The following XIRP2 variants were observed in gnomAD, a reference collection of about 807,000 sequenced individuals.
XIRP2 encodes xin actin-binding repeat-containing protein 2.
A neutral mutation model predicts 277.0 loss-of-function variants in XIRP2; 236 were observed. The observed-to-expected ratio is 0.85, with a 90% CI of 0.77 to 0.95. XIRP2 has a LOEUF of 0.95. Ranked by LOEUF, XIRP2 falls within the 40% of genes least tolerant of loss-of-function variation. The pLI is 0.00. For synonymous variants in XIRP2, 1,490 were observed against 1,416.5 expected, an observed-to-expected ratio of 1.05 and a Z score of -1.17; for missense variants, 4,640 against 4,157.5, an observed-to-expected ratio of 1.12 and a Z score of -3.19.
chr2:167,234,447 G>T (rs1694845261), intron 5 of XIRP2, among the ~76,000 whole-genome samples: 1 of 150,950 alleles, frequency 6.6e-6, no homozygotes, highest in South Asian at 2.1e-4. Context: ...TCACAGGAAT[G>T]TATTAAACAA....
intron 2 of XIRP2, among the ~76,000 whole-genome samples, chr2:167,093,730 G>C (rs568390119): frequency 5.3e-5 from 8 of 152,118 alleles, no homozygotes; most frequent in Non-Finnish European, 1.0e-4. Context: ...TGGGCATTTG[G>C]GTTGGTTCCA....
chr2:166,987,144 A>C (rs1213381184), intron 2 of XIRP2, among the ~76,000 whole-genome samples: 1 of 152,284 alleles, frequency 6.6e-6, no homozygotes, highest in Admixed American at 6.5e-5. Flanking sequence ...CTGAGGATTC[A>C]GAAGTTTTAG....
intron 3 of XIRP2, among the ~76,000 whole-genome samples, chr2:167,184,936 C>CTGTCTGTCTGT (rs1693114932): frequency 6.6e-6 from 1 of 152,130 alleles, no homozygotes; most frequent in Non-Finnish European, 1.5e-5. Context: ...CAAGGGATCA[C>CTGTCTGTCTGT]CTTATGAATC....
intron 10 of XIRP2, among the ~76,000 whole-genome samples, chr2:167,255,914 T>G (rs534369347): frequency 1.8e-4 from 28 of 151,910 alleles, no homozygotes; most frequent in Non-Finnish European, 3.2e-4. Flanking sequence ...GCTTATACTT[T>G]CATTGTATTC....
chr2:167,240,107 T>C, intron 6 of XIRP2, 142 bp downstream of exon 6: 4 of 820,928 alleles, frequency 4.9e-6, no homozygotes, highest in Non-Finnish European at 7.0e-6. Context: ...ACTTTCAAGT[T>C]GGAATTCTTT....
Position 167,245,217 on chromosome 2 carries a change from G to T in XIRP2, c.3825G>T (p.Gly1275=), listed in dbSNP as rs1440656247. 2 of 1,613,680 alleles carry T rather than the reference G, an allele frequency of 1.2e-6. No homozygotes were observed. The highest frequency in any genetic ancestry group is 1.7e-6 in the Non-Finnish European group (2 of 1,179,750). The change falls in exon 9 of 11, where the codon GGG becomes GGT. Residue 1275 remains glycine (G), a synonymous_variant. Coordinates refer to ENST00000409195, the MANE Select transcript of XIRP2 (RefSeq NM_152381.6). ...TDIQGGDVRK[G]CFIFETFSLD... ...TACAAGGTGGGGATGTAAGAAAGGG[G>T]TGCTTTATTTTTGAGACTTTTTCTT...
rs760147546 is a variant in XIRP2 at position 167,248,977 on chromosome 2, G to T, written c.7585G>T (p.Gly2529Ter). The change falls in exon 9 of 11, where the codon GGA becomes TGA. Residue 2529 changes from glycine (G) to a stop codon, truncating the protein, a stop_gained. Transcript: ENST00000409195. LOFTEE classifies it high-confidence loss of function. The stretch of plus-strand genomic sequence containing the variant: ...ATCTCATTCATTTCCAGAGAGTTCA[G>T]GACAACAAAATCCAAAACCTTATAT... ...IKSHSFPESSGQQNPKPYMRK... is the reference protein window; with the variant it reads ...IKSHSFPESS 6.2e-7 allele frequency: 1 copy of T among 1,613,372 alleles called. No individual in the cohort carries two copies. The highest frequency in any genetic ancestry group is 8.5e-7 in the Non-Finnish European group (1 of 1,179,716).
chr2:167,034,889 G>A (rs902256882), intron 2 of XIRP2, among the ~76,000 whole-genome samples: 8 of 152,146 alleles, frequency 5.3e-5, no homozygotes, highest in African/African-American at 1.4e-4. Context: ...CACATGTTGC[G>A]GGAGGGCCCC....
intron 2 of XIRP2, among the ~76,000 whole-genome samples, chr2:166,956,628 C>T (rs571239979): frequency 1.4e-4 from 22 of 151,962 alleles, no homozygotes; most frequent in African/African-American, 5.3e-4. Flanking sequence ...TGCTAGTTGT[C>T]AGGTCCCATA....
chr2:167,161,417 G>T (rs1052740535), intron 3 of XIRP2, among the ~76,000 whole-genome samples: 1 of 152,212 alleles, frequency 6.6e-6, no homozygotes, highest in African/African-American at 2.4e-5. Context: ...ACATCCAGTT[G>T]TTTCCATACA....
intron 2 of XIRP2, among the ~76,000 whole-genome samples, chr2:167,085,733 A>G (rs1426460071): frequency 2.5e-4 from 38 of 151,890 alleles, no homozygotes; most frequent in South Asian, 1.5e-3. Context: ...TTGTTGGTTT[A>G]AAGTCTGTTT....
At chr2:166,949,802 T>G (rs1685979471) in intron 2 of XIRP2, among the ~76,000 whole-genome samples, 1 of 152,104 alleles carries the variant, frequency 6.6e-6, no homozygotes, top group South Asian at 2.1e-4. Context: ...TTCCTTGAAC[T>G]TAATATAAAA....
chr2:167,010,117 G>A (rs894309973), intron 2 of XIRP2, among the ~76,000 whole-genome samples: 5 of 152,072 alleles, frequency 3.3e-5, no homozygotes, highest in African/African-American at 1.2e-4. Context: ...TGCTTTTGGT[G>A]TTTTAGACAT....
At chr2:167,188,564 G>T (rs1333668404) in intron 3 of XIRP2, among the ~76,000 whole-genome samples, 1 of 152,166 alleles carries the variant, frequency 6.6e-6, no homozygotes, top group Non-Finnish European at 1.5e-5. Flanking sequence ...ATATGAAAGA[G>T]CACCTGTTTT....
chr2:167,033,066 T>C (rs1688410711), intron 2 of XIRP2, among the ~76,000 whole-genome samples: 1 of 152,164 alleles, frequency 6.6e-6, no homozygotes, highest in South Asian at 2.1e-4. Flanking sequence ...AATGTTAGAC[T>C]GGATAAAGAA....
intron 4 of XIRP2, among the ~76,000 whole-genome samples, chr2:167,215,394 A>T (rs988185686): frequency 1.3e-5 from 2 of 152,224 alleles, no homozygotes; most frequent in Admixed American, 1.3e-4. Flanking sequence ...CACATAAATG[A>T]GGAAACGTTA....
intron 2 of XIRP2, among the ~76,000 whole-genome samples, chr2:167,025,665 C>G (rs1243525268): frequency 6.6e-6 from 1 of 152,022 alleles, no homozygotes; most frequent in Non-Finnish European, 1.5e-5. Flanking sequence ...TCTTTGTTCT[C>G]ATTGGTTTCA....
intron 2 of XIRP2, among the ~76,000 whole-genome samples, chr2:167,101,430 A>G (rs1690483417): frequency 3.3e-5 from 5 of 152,100 alleles, no homozygotes; most frequent in Admixed American, 3.3e-4. Flanking sequence ...CCCAAACAGT[A>G]TACACTGTAC....
chr2:166,968,018 C>A (rs1001971122), intron 2 of XIRP2, among the ~76,000 whole-genome samples: 1 of 151,802 alleles, frequency 6.6e-6, no homozygotes, highest in African/African-American at 2.4e-5. Context: ...TTGGGCACTG[C>A]AGATTTCTTT....
Sources: gnomAD v4.1 joint callset for allele counts (sites outside exome capture counted in the v4.1 genomes callset) on GRCh38, gnomAD v4.1.1 for gene constraint, MANE v1.5 for transcripts, NCBI Gene and HGNC (gene_info 2026-07-23, HGNC 2026-07-21) for gene names.